PPP2R2A: variants seen among roughly 807,000 people sequenced by gnomAD.
PPP2R2A encodes the protein serine/threonine-protein phosphatase 2A 55 kDa regulatory subunit B alpha isoform.
Under a neutral mutation model 53.2 loss-of-function variants are expected in PPP2R2A, and 9 were observed. The observed-to-expected ratio is 0.17, with a 90% CI of 0.10 to 0.30. PPP2R2A has a LOEUF of 0.30. PPP2R2A is among the 10% of genes least tolerant of loss of function. The pLI is 1.00. For synonymous variants in PPP2R2A, 169 were observed against 174.2 expected, an observed-to-expected ratio of 0.97 and a Z score of 0.23; for missense variants, 235 against 534.6, an observed-to-expected ratio of 0.44 and a Z score of 5.53.
At chr8:26,325,449 T>C (rs1477596037) in intron 2 of PPP2R2A, among the ~76,000 whole-genome samples, 1 of 152,186 alleles carries the variant, frequency 6.6e-6, no homozygotes, top group Non-Finnish European at 1.5e-5. Context: ...TAAACCTCTT[T>C]TTCTTCCCAA....
Position 26,321,429 on chromosome 8 carries a change from G to A in PPP2R2A, c.83-17461G>A, listed in dbSNP as rs886674516. On this transcript the variant is annotated intron_variant, in intron 2 of 9. Coordinates refer to ENST00000380737, the MANE Select transcript of PPP2R2A (RefSeq NM_002717.4). This position sits in a 1 kb window ranked among gnomAD's most constrained non-coding sequence, Gnocchi z 4.1. ...CCTGGCTTCTGGTATTTATGTCTCTGTGTAACCTTGTCCCTTTGAGTGTTT... is the reference window on the plus strand; with the variant it reads ...CCTGGCTTCTGGTATTTATGTCTCTATGTAACCTTGTCCCTTTGAGTGTTT... Among the ~76,000 whole-genome samples, 1 of 152,228 alleles carries A rather than the reference G, an allele frequency of 6.6e-6. No homozygotes were observed. The highest frequency in any genetic ancestry group is 2.1e-4 in the South Asian group (1 of 4,834).
intron 8 of PPP2R2A, chr8:26,365,452 TTA>T (rs1238459567): frequency 6.6e-6 from 1 of 152,146 alleles, no homozygotes; most frequent in Non-Finnish European, 1.5e-5. Context: ...GAAAATAAGT[TTA>T]GATTGTTTCA....
rs571773880 is a variant in PPP2R2A at position 26,321,622 on chromosome 8, A to G, written c.83-17268A>G. ...GGTTCCCTGTGGAGCTCACATGTCAAGGATCTGTTGTCTCTGGCCAACAGC... is the reference window on the plus strand; with the variant it reads ...GGTTCCCTGTGGAGCTCACATGTCAGGGATCTGTTGTCTCTGGCCAACAGC... On this transcript the variant is annotated intron_variant, in intron 2 of 9. Transcript: ENST00000380737. This position sits in a 1 kb window ranked among gnomAD's most constrained non-coding sequence, Gnocchi z 4.1. 1.4e-4 allele frequency among the ~76,000 whole-genome samples: 21 copies of G among 152,228 alleles called. No homozygotes were observed. The highest frequency in any genetic ancestry group is 2.5e-4 in the Non-Finnish European group (17 of 68,044).
chr8:26,294,760 T>C (rs1275045467), intron 2 of PPP2R2A, among the ~76,000 whole-genome samples: 2 of 152,182 alleles, frequency 1.3e-5, no homozygotes, highest in African/African-American at 2.4e-5. Context: ...AACTCTCTTA[T>C]TTGCTTGTGT....
Position 26,354,885 on chromosome 8 carries a change from T to G in PPP2R2A, c.346+252T>G, listed in dbSNP as rs1804691903. ...AGAATGGGCTGCTATACCATTGGAT[T>G]TAGGTCAGGTAATATTTCTGTCATT... On this transcript the variant is annotated intron_variant, in intron 4 of 9. Coordinates refer to ENST00000380737, the MANE Select transcript of PPP2R2A (RefSeq NM_002717.4). This position sits in a 1 kb window ranked among gnomAD's most constrained non-coding sequence, Gnocchi z 4.6. 6.6e-6 allele frequency among the ~76,000 whole-genome samples: 1 copy of G among 152,226 alleles called. No homozygotes were observed. Among genetic ancestry groups the G allele is most frequent in the South Asian group, 2.1e-4 (1 of 4,834 alleles).
At chr8:26,312,401 C>G (rs1018705252) in intron 2 of PPP2R2A, among the ~76,000 whole-genome samples, 1 of 152,146 alleles carries the variant, frequency 6.6e-6, no homozygotes, top group Non-Finnish European at 1.5e-5. Flanking sequence ...CCCAGTGATG[C>G]TGGTGTTGCT....
At chr8:26,332,185 C>T (rs1803416328) in intron 2 of PPP2R2A, among the ~76,000 whole-genome samples, 1 of 151,726 alleles carries the variant, frequency 6.6e-6, no homozygotes, top group Non-Finnish European at 1.5e-5. Flanking sequence ...GAAAGCCTGT[C>T]TCTACTAAAA....
chr8:26,306,711 A>T (rs1802040528), intron 2 of PPP2R2A, among the ~76,000 whole-genome samples: 2 of 152,062 alleles, frequency 1.3e-5, no homozygotes, highest in Admixed American at 6.5e-5. Flanking sequence ...TTATTAGATG[A>T]TGCATGCCTG....
intron 4 of PPP2R2A, chr8:26,358,789 C>T (rs1183437303): frequency 5.6e-6 from 2 of 359,856 alleles, no homozygotes; most frequent in Non-Finnish European, 1.2e-5. Flanking sequence ...TATAGTGATA[C>T]AAATAAACAA....
At chr8:26,302,537 A>G (rs549214671) in intron 2 of PPP2R2A, among the ~76,000 whole-genome samples, 1 of 152,238 alleles carries the variant, frequency 6.6e-6, no homozygotes, top group South Asian at 2.1e-4. Context: ...CAGACTACCG[A>G]TATGTTTTGA....
Position 26,338,064 on chromosome 8 carries a change from A to G in PPP2R2A, c.83-826A>G, listed in dbSNP as rs2117324661. ...AGCTGATTTATTTTAAATGCACATGATAGGGGCTTTTCTAATTCAGCTTAA... is the reference window on the plus strand; with the variant it reads ...AGCTGATTTATTTTAAATGCACATGGTAGGGGCTTTTCTAATTCAGCTTAA... On this transcript the variant is annotated intron_variant, in intron 2 of 9. Coordinates refer to ENST00000380737, the MANE Select transcript of PPP2R2A (RefSeq NM_002717.4). The surrounding 1 kb of genome is among the most constrained non-coding windows in gnomAD (Gnocchi z 4.5). 6.6e-6 allele frequency among the ~76,000 whole-genome samples: 1 copy of G among 152,338 alleles called. No individual in the cohort carries two copies. The highest frequency in any genetic ancestry group is 1.9e-4 in the East Asian group (1 of 5,192).
At chr8:26,365,942 A>C (rs3808566) in intron 8 of PPP2R2A, 29,740 of 162,154 alleles carry the variant, frequency 0.18, 3,327 homozygotes, top group East Asian at 0.44. Flanking sequence ...TGTTGTTATC[A>C]GTAGTTAATG....
chr8:26,361,327 T>C (rs1653555173), intron 6 of PPP2R2A, among the ~76,000 whole-genome samples, 176 bp downstream of exon 6: 1 of 152,250 alleles, frequency 6.6e-6, no homozygotes. Flanking sequence ...AGTTATTTGC[T>C]AAACATAAAG....
intron 4 of PPP2R2A, among the ~76,000 whole-genome samples, chr8:26,356,445 A>G (rs1804788381): frequency 6.6e-6 from 1 of 152,220 alleles, no homozygotes; most frequent in South Asian, 2.1e-4. Flanking sequence ...CCTTATTAGA[A>G]GAAAAATAAA....
Position 26,336,034 on chromosome 8 carries a change from A to G in PPP2R2A, c.83-2856A>G, listed in dbSNP as rs1372122956. 3.3e-5 allele frequency among the ~76,000 whole-genome samples: 5 copies of G among 152,186 alleles called. No homozygotes were observed. The East Asian group carries it at 9.6e-4, about 29-fold the overall frequency. ...TTCCATTCACATGTTCAGTGATTAC[A>G]TTATAACTGGTTGTGAGAGTCCCCT... On this transcript the variant is annotated intron_variant, in intron 2 of 9. Coordinates refer to ENST00000380737, the MANE Select transcript of PPP2R2A (RefSeq NM_002717.4).
chr8:26,306,979 G>A (rs1342830150), intron 2 of PPP2R2A, among the ~76,000 whole-genome samples: 1 of 152,136 alleles, frequency 6.6e-6, no homozygotes, highest in Non-Finnish European at 1.5e-5. Context: ...TTTTGTATTT[G>A]CAATGTTTTT....
intron 3 of PPP2R2A, among the ~76,000 whole-genome samples, chr8:26,340,402 C>G (rs545730442): frequency 1.3e-5 from 2 of 152,070 alleles, no homozygotes; most frequent in African/African-American, 4.8e-5. Context: ...GAGTTTAGAG[C>G]AGACCTTCCC....
At chr8:26,346,117 G>T (rs1245687306) in intron 3 of PPP2R2A, among the ~76,000 whole-genome samples, 1 of 144,414 alleles carries the variant, frequency 6.9e-6, no homozygotes, top group Non-Finnish European at 1.5e-5. Flanking sequence ...TACCAGTCGG[G>T]TTATTATTAT....
chr8:26,305,187 T>G (rs1801961535), intron 2 of PPP2R2A, among the ~76,000 whole-genome samples: 1 of 152,244 alleles, frequency 6.6e-6, no homozygotes, highest in Admixed American at 6.5e-5. Context: ...TGTGACTGGC[T>G]TATTTCATAA....
Sources: gnomAD v4.1 joint callset for allele counts (sites outside exome capture counted in the v4.1 genomes callset) on GRCh38, gnomAD v4.1.1 for gene constraint, Gnocchi (gnomAD v3.1) non-coding constraint, MANE v1.5 for transcripts, NCBI Gene and HGNC (gene_info 2026-07-23, HGNC 2026-07-21) for gene names.